The following UNC13C variants were observed in gnomAD, a reference collection of about 807,000 sequenced individuals.
UNC13C encodes the protein unc-13 homolog C, also known as protein unc-13 homolog C.
In UNC13C, 174 loss-of-function variants were observed where a neutral mutation model predicts 245.4. The ratio of observed to expected loss-of-function variants is 0.71; its 90% CI spans 0.63 to 0.80. The LOEUF is 0.80. UNC13C is among the 30% of genes least tolerant of loss of function. UNC13C has a pLI of 0.00. For missense variants in UNC13C, 2,829 were observed against 2,602.9 expected (o/e 1.09, Z -1.89); for synonymous variants, 992 against 895.1 (o/e 1.11, Z -1.93).
chr15:54,602,080 CA>C (rs1899466703), intron 30 of UNC13C, among the ~76,000 whole-genome samples: 1 of 50,886 alleles, frequency 2.0e-5, no homozygotes, highest in African/African-American at 4.0e-5. Context: ...ATAGACTGAA[CA>C]GGCAAATATT....
Position 54,014,729 on chromosome 15 carries a change from G to A in UNC13C, c.1826G>A (p.Gly609Asp), listed in dbSNP as rs1334110473. 2 of 1,613,858 alleles carry A rather than the reference G, an allele frequency of 1.2e-6. No individual in the cohort carries two copies. The highest frequency in any genetic ancestry group is 1.7e-6 in the Non-Finnish European group (2 of 1,179,836). The change falls in exon 2 of 33, where the codon GGT becomes GAT. Residue 609 changes from glycine (G) to aspartate (D), a missense_variant. By Grantham distance (94) the Gly-to-Asp change is moderately conservative. Transcript: ENST00000260323. ...CCCAAGGACCAGCATTTGAATGGAG[G>A]TGTTCAGGGTATCCAAGGGCAGACT... ...DSPKDQHLNGGVQGIQGQTET... is the reference protein window; with the variant it reads ...DSPKDQHLNGDVQGIQGQTET...
At chr15:54,260,478 GAGA>G (rs1371119974) in intron 8 of UNC13C, among the ~76,000 whole-genome samples, 2 of 151,138 alleles carry the variant, frequency 1.3e-5, no homozygotes, top group African/African-American at 4.9e-5. Context: ...GGAAAGAACT[GAGA>G]AGAAGGAAGA....
rs370954553 is a variant in UNC13C at position 54,431,280 on chromosome 15, A to G, written c.4933+16213A>G. ...AAATATTGTGTCGCCATATTGGGGG[A>G]TCATCTCTGCCAACTTTACTTCTCT... is the stretch of plus-strand genomic sequence containing the variant. On this transcript the variant is annotated intron_variant, in intron 19 of 32. Transcript: ENST00000260323. Among the ~76,000 whole-genome samples, 3 of 151,660 alleles carry G rather than the reference A, an allele frequency of 2.0e-5. No individual in the cohort carries two copies. In the East Asian group the frequency reaches 5.9e-4, roughly 30 times the overall value.
intron 1 of UNC13C, among the ~76,000 whole-genome samples, chr15:54,007,917 C>T (rs993195062): frequency 2.6e-5 from 4 of 152,128 alleles, no homozygotes; most frequent in African/African-American, 9.7e-5. Flanking sequence ...GGTCCTGTCC[C>T]TTTGTCTTCT....
In UNC13C at chr15:54,341,322, G is replaced by A. The variant is rs562469597; in HGVS notation, c.4713+2833G>A. Among the ~76,000 whole-genome samples, 324 of 152,188 alleles carry A rather than the reference G, an allele frequency of 2.1e-3. 1 individual carries two copies. Among genetic ancestry groups the A allele is most frequent in the African/African-American group, 6.5e-3 (269 of 41,526 alleles). On this transcript the variant is annotated intron_variant, in intron 17 of 32. Transcript: ENST00000260323. ...CCTTTGCAGCAACATGGATGTGTCC[G>A]GAGGTCATTATCCTAAACAAAATAA...
At chr15:54,341,274 C>T (rs1048829409) in intron 17 of UNC13C, among the ~76,000 whole-genome samples, 1 of 152,112 alleles carries the variant, frequency 6.6e-6, no homozygotes, top group African/African-American at 2.4e-5. Flanking sequence ...ACTATGTAGC[C>T]ATCAAAAAGA....
chr15:53,858,522 G>A, the UNC13C span, among the ~76,000 whole-genome samples: 4 of 151,828 alleles, frequency 2.6e-5, no homozygotes. Flanking sequence ...CCGGGTTCAA[G>A]TTATTCTCCT....
intron 7 of UNC13C, among the ~76,000 whole-genome samples, chr15:54,243,932 G>T (rs1476920291): frequency 6.6e-6 from 1 of 152,084 alleles, no homozygotes; most frequent in Non-Finnish European, 1.5e-5. Flanking sequence ...TAGGTTGCCT[G>T]TTCACTCTTA....
chr15:53,873,961 T>C, the UNC13C span, among the ~76,000 whole-genome samples: 1 of 119,872 alleles, frequency 8.3e-6, no homozygotes, highest in African/African-American at 3.2e-5. Flanking sequence ...CCTTCCTTCC[T>C]TCCTTCCTTC....
intron 1 of UNC13C, among the ~76,000 whole-genome samples, chr15:54,008,460 A>G (rs1477414036): frequency 6.6e-6 from 1 of 152,236 alleles, no homozygotes; most frequent in African/African-American, 2.4e-5. Flanking sequence ...AAGGCTTCCT[A>G]TAACCGCATA....
intron 19 of UNC13C, among the ~76,000 whole-genome samples, chr15:54,489,964 A>G (rs1198625957): frequency 6.6e-6 from 1 of 152,122 alleles, no homozygotes; most frequent in African/African-American, 2.4e-5. Flanking sequence ...GCATGAAAAA[A>G]CCCAATTACT....
chr15:54,594,220 G>T (rs912454893), intron 30 of UNC13C, among the ~76,000 whole-genome samples: 3 of 152,196 alleles, frequency 2.0e-5, no homozygotes, highest in Non-Finnish European at 4.4e-5. Context: ...GCCTGTTCCA[G>T]TGGAGGTGCC....
chr15:54,119,436 A>T (rs1346811687), intron 2 of UNC13C, among the ~76,000 whole-genome samples: 1 of 152,134 alleles, frequency 6.6e-6, no homozygotes. Flanking sequence ...GCCCATTTAT[A>T]ATGGTGAACT....
chr15:54,013,414 C>T lies in UNC13C; in HGVS notation c.511C>T (p.Arg171Cys), dbSNP rs751786531. Residue 171 changes from arginine to cysteine, a missense_variant, in exon 2 of 33, where the codon CGT becomes TGT. Arg to Cys is a radical substitution (Grantham distance 180). Coordinates refer to ENST00000260323, the MANE Select transcript of UNC13C (RefSeq NM_001080534.3). ...APSEGSSDGE[R>C]TLHGLKLGAL... Reference sequence around the variant, plus strand: ...CTCTGAGGGCAGCTCTGACGGGGAGCGTACTCTACATGGCTTAAAACTGGG... The same window carrying T: ...CTCTGAGGGCAGCTCTGACGGGGAGTGTACTCTACATGGCTTAAAACTGGG... The T allele has an allele frequency of 1.2e-6, 2 of 1,613,780 alleles. No individual in the cohort carries two copies. The highest frequency in any genetic ancestry group is 1.7e-6 in the Non-Finnish European group (2 of 1,179,868).
chr15:54,283,238 A>G (rs1408117086), intron 10 of UNC13C, among the ~76,000 whole-genome samples: 1 of 152,186 alleles, frequency 6.6e-6, no homozygotes, highest in Non-Finnish European at 1.5e-5. Flanking sequence ...TCCTGTCACT[A>G]TCAATTATAT....
intron 26 of UNC13C, among the ~76,000 whole-genome samples, chr15:54,535,669 A>C (rs1895954899): frequency 6.6e-6 from 1 of 152,176 alleles, no homozygotes; most frequent in Non-Finnish European, 1.5e-5. Context: ...ACAGTACAAT[A>C]AAATTAGAAA....
chr15:54,014,771 AAACTGTGG>A lies in UNC13C; in HGVS notation c.1870_1877del (p.Thr624Ter). ...GGGCAGACTGAAACTGAAAACACAG[AAACTGTGG>A]ATAGTGGAATGAGTAATGGCATGGT... On this transcript the variant is annotated frameshift_variant, in exon 2 of 33. Coordinates refer to ENST00000260323, the MANE Select transcript of UNC13C (RefSeq NM_001080534.3). LOFTEE classifies it high-confidence loss of function. 6.2e-7 allele frequency: 1 copy of A among 1,613,852 alleles called. No individual in the cohort carries two copies. Among genetic ancestry groups the A allele is most frequent in the South Asian group, 1.1e-5 (1 of 91,076 alleles).
At chr15:54,425,715 C>CA (rs1429740186) in intron 19 of UNC13C, among the ~76,000 whole-genome samples, 1 of 151,806 alleles carries the variant, frequency 6.6e-6, no homozygotes, top group African/African-American at 2.4e-5. Flanking sequence ...GACTACTAGC[C>CA]AGCTATTTTT....
At chr15:54,301,466 G>A (rs2037580885) in intron 13 of UNC13C, among the ~76,000 whole-genome samples, 1 of 152,002 alleles carries the variant, frequency 6.6e-6, no homozygotes, top group Admixed American at 6.6e-5. Flanking sequence ...AGGCCCCGGT[G>A]TGTGATGTTC....
Sources: allele counts gnomAD v4.1 joint callset (sites outside exome capture counted in the v4.1 genomes callset), GRCh38; gene constraint gnomAD v4.1.1; transcripts MANE v1.5; gene names NCBI Gene and HGNC (gene_info 2026-07-23, HGNC 2026-07-21).